The following PPM1E variants were observed in gnomAD, a reference collection of about 807,000 sequenced individuals.
PPM1E encodes the protein protein phosphatase, Mg2+/Mn2+ dependent 1E.
Under a neutral mutation model 65.9 loss-of-function variants are expected in PPM1E, and 20 were observed. The observed-to-expected ratio is 0.30, with a 90% confidence interval of 0.21 to 0.44. The LOEUF is 0.44. PPM1E is among the 20% of genes least tolerant of loss of function. PPM1E has a pLI of 1.00. For missense variants in PPM1E, 713 were observed against 953.1 expected (o/e 0.75, Z 3.32); for synonymous variants, 352 against 374.9 (o/e 0.94, Z 0.70).
intron 1 of PPM1E, among the ~76,000 whole-genome samples, chr17:58,843,275 G>A (rs1004131167): frequency 4.0e-5 from 6 of 149,380 alleles, no homozygotes; most frequent in African/African-American, 9.9e-5. Context: ...TCAGTGAGCC[G>A]TGATTGCACC....
chr17:58,778,927 C>CATATATAT (rs59563297), intron 1 of PPM1E, among the ~76,000 whole-genome samples: 2,652 of 103,436 alleles, frequency 0.026, 71 homozygotes, highest in Middle Eastern at 0.053. Context: ...ATGATACATA[C>CATATATAT]ATATATATAT....
At chr17:58,817,810 G>GGCACGAACT (rs2050440815) in intron 1 of PPM1E, among the ~76,000 whole-genome samples, 1 of 151,088 alleles carries the variant, frequency 6.6e-6, no homozygotes, top group Non-Finnish European at 1.5e-5. Context: ...CGAGTGCAGT[G>GGCACGAACT]GCACGATCTC....
At chr17:58,781,056 G>T (rs1016423558) in intron 1 of PPM1E, among the ~76,000 whole-genome samples, 4 of 151,874 alleles carry the variant, frequency 2.6e-5, no homozygotes, top group Non-Finnish European at 5.9e-5. Flanking sequence ...GTTGGCTAAG[G>T]CATGAATATA....
chr17:58,817,756 GTT>G (rs879262306), intron 1 of PPM1E, among the ~76,000 whole-genome samples: 1 of 145,320 alleles, frequency 6.9e-6, no homozygotes, highest in Non-Finnish European at 1.5e-5. Flanking sequence ...ATACACTCTA[GTT>G]TTTTTTTTTT....
intron 1 of PPM1E, among the ~76,000 whole-genome samples, chr17:58,803,811 T>G (rs2050280717): frequency 6.6e-6 from 1 of 152,228 alleles, no homozygotes; most frequent in Admixed American, 6.5e-5. Context: ...CTGCCAGGAT[T>G]TACGCTTTTA....
chr17:58,789,482 T>C (rs1270322672), intron 1 of PPM1E, among the ~76,000 whole-genome samples: 2 of 152,156 alleles, frequency 1.3e-5, no homozygotes, highest in East Asian at 3.8e-4. Flanking sequence ...TTCTTTCTAG[T>C]AGTAGGTTAA....
chr17:58,851,972 A>AT (rs1421265904), intron 1 of PPM1E, among the ~76,000 whole-genome samples: 1 of 152,224 alleles, frequency 6.6e-6, no homozygotes, highest in African/African-American at 2.4e-5. Context: ...CTCAAGCCTC[A>AT]GCAATGGTGG....
intron 1 of PPM1E, among the ~76,000 whole-genome samples, chr17:58,942,521 T>C (rs989167672): frequency 6.6e-6 from 1 of 152,230 alleles, no homozygotes; most frequent in East Asian, 1.9e-4. Context: ...GACCTTGTTA[T>C]CAAAAATTGC....
intron 1 of PPM1E, among the ~76,000 whole-genome samples, chr17:58,916,268 A>G (rs962706333): frequency 3.9e-5 from 6 of 152,234 alleles, no homozygotes; most frequent in Non-Finnish European, 1.5e-5. Flanking sequence ...GCGTGTACAT[A>G]AAGACAATGT....
intron 1 of PPM1E, among the ~76,000 whole-genome samples, chr17:58,814,142 G>A (rs2050394235): frequency 6.6e-6 from 1 of 152,174 alleles, no homozygotes; most frequent in Non-Finnish European, 1.5e-5. Context: ...ATATTGATTA[G>A]GAAATCAGAG....
At position 58,829,620 on chromosome 17, in the gene PPM1E, G is replaced by A. The variant is rs113457408; in HGVS notation, c.464+73159G>A. 9.6e-4 allele frequency among the ~76,000 whole-genome samples: 146 copies of A among 152,152 alleles called. 1 individual carries two copies. The highest frequency in any genetic ancestry group is 3.4e-3 in the African/African-American group (142 of 41,496). ...ATTCTGGAGCTCTACCATGATCCTC[G>A]TGGTTCCTGATGCTTCTTTTTCATC... On this transcript the variant is annotated intron_variant, in intron 1 of 6. Transcript: ENST00000308249.
At chr17:58,956,999 C>T (rs1422669162) in intron 2 of PPM1E, among the ~76,000 whole-genome samples, 1 of 152,182 alleles carries the variant, frequency 6.6e-6, no homozygotes, top group East Asian at 1.9e-4. Flanking sequence ...TCACCTAGAA[C>T]CAAATTGTTC....
intron 1 of PPM1E, among the ~76,000 whole-genome samples, chr17:58,805,976 AAAAAAAAAC>A (rs1567838855): frequency 9.1e-5 from 10 of 109,342 alleles, no homozygotes; most frequent in African/African-American, 1.3e-4. Context: ...AAAAAAAACA[AAAAAAAAAC>A]AAAACAAAAC....
chr17:58,955,368 A>G (rs1263981881), intron 1 of PPM1E, among the ~76,000 whole-genome samples: 1 of 152,162 alleles, frequency 6.6e-6, no homozygotes, highest in Non-Finnish European at 1.5e-5. Context: ...CCATCTAAAA[A>G]ACAAACAACA....
intron 1 of PPM1E, among the ~76,000 whole-genome samples, chr17:58,829,741 G>A (rs1156933796): frequency 6.6e-6 from 1 of 151,992 alleles, no homozygotes; most frequent in East Asian, 1.9e-4. Context: ...AAGATTCATG[G>A]TTAGAAAGCA....
chr17:58,774,223 CATT>C (rs1028170868), intron 1 of PPM1E, among the ~76,000 whole-genome samples: 1 of 149,176 alleles, frequency 6.7e-6, no homozygotes, highest in Non-Finnish European at 1.5e-5. Flanking sequence ...AGAACCACTG[CATT>C]AGGGAGAATG....
At position 58,902,758 on chromosome 17, in the gene PPM1E, T is replaced by C. The variant is rs117497112; in HGVS notation, c.465-52891T>C. ...GTCTTTCAAAATGCAGACATTTTAA[T>C]CATTCAGATATAGGGGTTGTGAAAC... On this transcript the variant is annotated intron_variant, in intron 1 of 6. Transcript: ENST00000308249. 3.5e-3 allele frequency among the ~76,000 whole-genome samples: 529 copies of C among 152,302 alleles called. 1 individual carries two copies. Among genetic ancestry groups the C allele is most frequent in the Non-Finnish European group, 5.9e-3 (398 of 68,024 alleles).
At chr17:58,961,075 C>T (rs1357315382) in intron 2 of PPM1E, among the ~76,000 whole-genome samples, 1 of 152,008 alleles carries the variant, frequency 6.6e-6, no homozygotes, top group African/African-American at 2.4e-5. Context: ...ATAAAACTAC[C>T]CAAGTGACAT....
chr17:58,901,337 T>C (rs2051495892), intron 1 of PPM1E, among the ~76,000 whole-genome samples: 1 of 152,222 alleles, frequency 6.6e-6, no homozygotes, highest in African/African-American at 2.4e-5. Context: ...AGAAATTATA[T>C]TGCATTTTTT....
Sources: gnomAD v4.1 joint callset for allele counts (sites outside exome capture counted in the v4.1 genomes callset) on GRCh38, gnomAD v4.1.1 for gene constraint, MANE v1.5 for transcripts, NCBI Gene and HGNC (gene_info 2026-07-23, HGNC 2026-07-21) for gene names.